AXIN1: variants seen among roughly 807,000 people sequenced by gnomAD.
AXIN1 encodes axin-1.
Under a neutral mutation model 76.4 loss-of-function variants are expected in AXIN1, and 30 were observed. The ratio of observed to expected loss-of-function variants is 0.39; its 90% CI spans 0.29 to 0.53. The LOEUF (loss-of-function observed/expected upper bound fraction) is 0.53. Among genes scored for constraint, AXIN1 ranks in the 20% least tolerant of loss-of-function variants. The pLI, the probability that AXIN1 is intolerant of heterozygous loss-of-function variation, is 0.66. For missense variants in AXIN1, 1,140 were observed against 1,198.8 expected (o/e 0.95, Z 0.72); for synonymous variants, 545 against 501.4 (o/e 1.09, Z -1.16).
chr16:320,781 C>G (rs1019958491), intron 2 of AXIN1, among the ~76,000 whole-genome samples: 1 of 117,722 alleles, frequency 8.5e-6, no homozygotes, highest in African/African-American at 3.7e-5. Context: ...GCTCTTTCGC[C>G]CAGACTGGAG....
At chr16:318,420 G>A (rs2053353287) in intron 2 of AXIN1, among the ~76,000 whole-genome samples, 1 of 152,190 alleles carries the variant, frequency 6.6e-6, no homozygotes, top group Non-Finnish European at 1.5e-5. Flanking sequence ...AAGAAGGGCA[G>A]CCTGTTTACT....
In AXIN1 at chr16:307,923, G is replaced by A. The variant is rs1038296148; in HGVS notation, c.1116+2050C>T. Among the ~76,000 whole-genome samples, 6 of 152,354 alleles carry A rather than the reference G, an allele frequency of 3.9e-5. 1 individual carries two copies. Among genetic ancestry groups the A allele is most frequent in the South Asian group, 2.1e-4 (1 of 4,830 alleles). ...GAGCAGGCCCCGGGCAGCTGTGCCCGTGATGTGGGTTTCTCACTTGGGCCT... is the reference window on the plus strand; with the variant it reads ...GAGCAGGCCCCGGGCAGCTGTGCCCATGATGTGGGTTTCTCACTTGGGCCT... On this transcript the variant is annotated intron_variant, in intron 4 of 10. Transcript: ENST00000262320.
rs1411232478 is a variant in AXIN1, at chr16:295,484, G to C, written c.1955+1572C>G. Among the ~76,000 whole-genome samples, 3 of 152,108 alleles carry C rather than the reference G, an allele frequency of 2.0e-5. No individual in the cohort carries two copies. The East Asian group carries it at 5.8e-4, about 29-fold the overall frequency. Reference sequence around the variant, plus strand: ...GATAGCTTTGAGTCCAGGAGGCTGAGACTGCAGTGAACGGTGTGATTACAC... The same window carrying C: ...GATAGCTTTGAGTCCAGGAGGCTGACACTGCAGTGAACGGTGTGATTACAC... On this transcript the variant is annotated intron_variant, in intron 7 of 10. Transcript: ENST00000262320.
chr16:305,564 G>A (rs1042770049), intron 4 of AXIN1, among the ~76,000 whole-genome samples: 4 of 152,024 alleles, frequency 2.6e-5, no homozygotes, highest in African/African-American at 4.8e-5. Context: ...TTGTTTTTGA[G>A]ACAGGGTCTC....
At chr16:350,475 C>T (rs17136255) in intron 1 of AXIN1, among the ~76,000 whole-genome samples, 26,916 of 152,188 alleles carry the variant, frequency 0.18, 2,481 homozygotes, top group South Asian at 0.28. Flanking sequence ...CTTTCGTCAC[C>T]GCTTAGGCAT....
chr16:297,106 C>A lies in AXIN1; in HGVS notation c.1905G>T (p.Trp635Cys), dbSNP rs2141502648. 6.2e-7 allele frequency: 1 copy of A among 1,612,892 alleles called. No homozygotes were observed. The highest frequency in any genetic ancestry group is 8.5e-7 in the Non-Finnish European group (1 of 1,179,934). ...TGATCTCCTTTTCCCCCTCAATGAT[C>A]CACTGCATGATTTTCTGGTTCTTCT... ...DAEKNQKIMQ[W>C]IIEGEKEISR... The change falls in exon 7 of 11, where the codon TGG (tryptophan) becomes TGT (cysteine). Residue 635 changes from tryptophan to cysteine, a missense_variant. Coordinates refer to ENST00000262320, the MANE Select transcript of AXIN1 (RefSeq NM_003502.4).
chr16:287,826 A>AG lies in AXIN1; in HGVS notation c.*295_*296insC, dbSNP rs2052423766. On this transcript the variant is annotated 3_prime_UTR_variant, in exon 11 of 11. Transcript: ENST00000262320. ...ACGTGCCCAAGGGAGGTGCCGGGGGATGGGGGGGGGTCACCTGAAGCTGGC... is the reference window on the plus strand; with the variant it reads ...ACGTGCCCAAGGGAGGTGCCGGGGGAGTGGGGGGGGGTCACCTGAAGCTGGC... 1 of 506,290 alleles carries AG rather than the reference A, an allele frequency of 2.0e-6. No individual in the cohort carries two copies. Among genetic ancestry groups the AG allele is most frequent in the Non-Finnish European group, 3.6e-6 (1 of 278,656 alleles). The allele number at this position is 506,290 out of a possible 1,614,324, so 31.4% of individuals were successfully genotyped here.
chr16:310,382 G>T (rs555217048), intron 3 of AXIN1, among the ~76,000 whole-genome samples: 1 of 152,312 alleles, frequency 6.6e-6, no homozygotes, highest in East Asian at 1.9e-4. Context: ...ACAGCTAAGA[G>T]TGGTTTCTAC....
intron 2 of AXIN1, among the ~76,000 whole-genome samples, chr16:332,008 G>C (rs2053700192): frequency 1.3e-5 from 2 of 152,170 alleles, no homozygotes; most frequent in African/African-American, 4.8e-5. Flanking sequence ...TAATCTCCCA[G>C]GGCCTCAGTT....
At chr16:329,921 C>T (rs944529140) in intron 2 of AXIN1, among the ~76,000 whole-genome samples, 5 of 152,058 alleles carry the variant, frequency 3.3e-5, no homozygotes, top group African/African-American at 1.2e-4. Flanking sequence ...GCGTGAGCCA[C>T]CGCGCCTGGC....
chr16:293,307 G>A lies in AXIN1; in HGVS notation c.2186+181C>T, dbSNP rs80220623. The A allele has an allele frequency of 0.018, 11,767 of 655,778 alleles. 165 individuals carry two copies. Among genetic ancestry groups the A allele is most frequent in the Middle Eastern group, 0.047 (112 of 2,376 alleles). The allele number at this position is 655,778 out of a possible 1,614,324, so 40.6% of individuals were successfully genotyped here. Reference sequence around the variant, plus strand: ...GCTCCAGCCCCAGCCTCCGTCCACCGCAGGGTGGCCTGCCACGTGGCCCCT... The same window carrying A: ...GCTCCAGCCCCAGCCTCCGTCCACCACAGGGTGGCCTGCCACGTGGCCCCT... On this transcript the variant is annotated intron_variant, in intron 8 of 10. Coordinates refer to ENST00000262320, the MANE Select transcript of AXIN1 (RefSeq NM_003502.4). The surrounding 1 kb of genome is among the most constrained non-coding windows in gnomAD (Gnocchi z 4.6).
rs2052431811 is a variant in AXIN1, at chr16:287,989, G to C, written c.*133C>G. ...ACCCCCTACCTGCCTCTAGACACGGGTAGACCACAGGGATGGGTGGTACAC... is the reference window on the plus strand; with the variant it reads ...ACCCCCTACCTGCCTCTAGACACGGCTAGACCACAGGGATGGGTGGTACAC... On this transcript the variant is annotated 3_prime_UTR_variant, in exon 11 of 11. Coordinates refer to ENST00000262320, the MANE Select transcript of AXIN1 (RefSeq NM_003502.4). 6.7e-7 allele frequency: 1 copy of C among 1,484,276 alleles called. No individual in the cohort carries two copies. The highest frequency in any genetic ancestry group is 9.3e-7 in the Non-Finnish European group (1 of 1,077,714). The allele number at this position is 1,484,276 out of a possible 1,614,324, so 91.9% of individuals were successfully genotyped here.
intron 2 of AXIN1, among the ~76,000 whole-genome samples, chr16:333,123 G>T (rs1223187793): frequency 1.3e-5 from 2 of 151,970 alleles, no homozygotes; most frequent in African/African-American, 4.8e-5. Context: ...ACCTGAGGTC[G>T]GGAGTTTGAG....
At chr16:314,100 T>G (rs1202447507) in intron 3 of AXIN1, among the ~76,000 whole-genome samples, 1 of 152,146 alleles carries the variant, frequency 6.6e-6, no homozygotes, top group Non-Finnish European at 1.5e-5. Flanking sequence ...AACCCCAGAC[T>G]CTGAAAACCA....
At chr16:340,771 G>A (rs191964517) in intron 2 of AXIN1, among the ~76,000 whole-genome samples, 7 of 152,222 alleles carry the variant, frequency 4.6e-5, no homozygotes, top group Non-Finnish European at 1.5e-5. Flanking sequence ...GTGGGTGAGT[G>A]GGACAAACAC....
chr16:320,182 G>A (rs1334979658), intron 2 of AXIN1, among the ~76,000 whole-genome samples: 9 of 152,122 alleles, frequency 5.9e-5, no homozygotes, highest in Non-Finnish European at 1.3e-4. Flanking sequence ...AGGTAGGTGG[G>A]ACAACAGGCG....
intron 3 of AXIN1, among the ~76,000 whole-genome samples, chr16:313,257 G>A (rs1323190504): frequency 2.6e-5 from 4 of 152,216 alleles, no homozygotes; most frequent in East Asian, 3.8e-4. Flanking sequence ...AGCCAAGATC[G>A]CACCATTGCA....
intron 2 of AXIN1, among the ~76,000 whole-genome samples, chr16:321,501 G>T (rs552646716): frequency 6.6e-6 from 1 of 152,228 alleles, no homozygotes; most frequent in African/African-American, 2.4e-5. Context: ...AAGGCAAATC[G>T]CCTTTTTCTC....
chr16:346,080 CT>C, intron 2 of AXIN1, 67 bp downstream of exon 2: 1 of 1,543,516 alleles, frequency 6.5e-7, no homozygotes. Context: ...TCATCAGCAC[CT>C]TTCCCTGGCT....
Sources: gnomAD v4.1 joint callset for allele counts (sites outside exome capture counted in the v4.1 genomes callset) on GRCh38, gnomAD v4.1.1 for gene constraint, Gnocchi (gnomAD v3.1) non-coding constraint, MANE v1.5 for transcripts, NCBI Gene and HGNC (gene_info 2026-07-23, HGNC 2026-07-21) for gene names.